TTF2: variants seen among roughly 807,000 people sequenced by gnomAD.
The protein encoded by TTF2 is RNA polymerase II termination factor.
Under a neutral mutation model 142.4 loss-of-function variants are expected in TTF2, and 108 were observed. The observed-to-expected ratio is 0.76, with a 90% CI of 0.65 to 0.89. TTF2 has a LOEUF of 0.89. Ranked by LOEUF, TTF2 falls within the 40% of genes least tolerant of loss-of-function variation. The pLI, the probability that TTF2 is intolerant of heterozygous loss-of-function variation, is 0.00. For missense variants in TTF2, 1,327 were observed against 1,379.8 expected (o/e 0.96, Z 0.61); for synonymous variants, 483 against 506.2 (o/e 0.95, Z 0.61).
rs140819008 is a variant in TTF2, at chr1:117,060,360, G to C, written c.14G>C (p.Arg5Thr). 1 of 1,601,760 alleles carries C rather than the reference G, an allele frequency of 6.2e-7. No homozygotes were observed. Residue 5 changes from arginine to threonine, a missense_variant, in exon 1 of 23, where the codon AGG becomes ACG. Transcript: ENST00000369466. Reference protein sequence around the residue: MEEVRCPEHGTFCFL... With the variant: MEEVTCPEHGTFCFL... ...GGACCCAGCGAAATGGAAGAAGTTAGGTGTCCAGAGCACGGTAAGGGGCTA... is the reference window on the plus strand; with the variant it reads ...GGACCCAGCGAAATGGAAGAAGTTACGTGTCCAGAGCACGGTAAGGGGCTA...
chr1:117,084,483 G>T (rs1647836217), intron 11 of TTF2, among the ~76,000 whole-genome samples: 1 of 152,196 alleles, frequency 6.6e-6, no homozygotes, highest in South Asian at 2.1e-4. Flanking sequence ...CATGGCTGCT[G>T]GAGTTCTGAT....
chr1:117,061,249 A>G (rs3767775), intron 2 of TTF2, among the ~76,000 whole-genome samples: 13,892 of 152,146 alleles, frequency 0.091, 842 homozygotes, highest in African/African-American at 0.16. Context: ...AAAATTGTCT[A>G]GGCATGGTAT....
In TTF2 at chr1:117,101,406, A is replaced by G. The variant is rs748140328; in HGVS notation, c.3371A>G (p.Glu1124Gly). 1.9e-6 allele frequency: 3 copies of G among 1,600,862 alleles called. No individual in the cohort carries two copies. The highest frequency in any genetic ancestry group is 2.5e-6 in the Non-Finnish European group (3 of 1,177,008). Residue 1124 changes from glutamate (E) to glycine (G), a missense_variant, in exon 23 of 23, where the codon GAA becomes GGA. Coordinates refer to ENST00000369466, the MANE Select transcript of TTF2 (RefSeq NM_003594.4). The surrounding 1 kb of genome is among the most constrained non-coding windows in gnomAD (Gnocchi z 5.9). The part of the protein sequence containing the change: ...HRFVCEGTVE[E>G]KILQLQEKKK... ...TTTGTTTGTGAGGGAACAGTAGAAG[A>G]AAAGATCTTACAGCTCCAAGAAAAA...
Position 117,098,855 on chromosome 1 carries a change from G to C in TTF2, c.3292G>C (p.Ala1098Pro). Reference protein sequence around the residue: ...MHWNPSLEDQACDRIYRVGQQ... With the variant: ...MHWNPSLEDQPCDRIYRVGQQ... ...CAGGAATCCATCACTTGAAGATCAA[G>C]CTTGTGACCGAATTTACCGAGTAGG... Residue 1098 changes from alanine (A) to proline (P), a missense_variant, in exon 22 of 23, where the codon GCT becomes CCT. Ala to Pro is a conservative substitution (Grantham distance 27, BLOSUM62 -1). Coordinates refer to ENST00000369466, the MANE Select transcript of TTF2 (RefSeq NM_003594.4). 6.2e-7 allele frequency: 1 copy of C among 1,612,050 alleles called. No individual in the cohort carries two copies. Among genetic ancestry groups the C allele is most frequent in the Non-Finnish European group, 8.5e-7 (1 of 1,179,454 alleles).
In TTF2 at chr1:117,060,464, G is replaced by C; in HGVS notation, c.38G>C (p.Cys13Ser). ...TTTCTTCTCTCTTCAGGGACTTTCT[G>C]CTTTCTTAAGACCGGCGTCCGCGAT... ...EVRCPEHGTFCFLKTGVRDGP... is the reference protein window; with the variant it reads ...EVRCPEHGTFSFLKTGVRDGP... The change falls in exon 2 of 23, where the codon TGC becomes TCC. Residue 13 changes from cysteine (C) to serine (S), a missense_variant. Physicochemically the swap from Cys to Ser is moderately radical, Grantham distance 112 (BLOSUM62 -1). Coordinates refer to ENST00000369466, the MANE Select transcript of TTF2 (RefSeq NM_003594.4). 6.2e-7 allele frequency: 1 copy of C among 1,613,838 alleles called. No individual in the cohort carries two copies. Among genetic ancestry groups the C allele is most frequent in the East Asian group, 2.2e-5 (1 of 44,886 alleles).
In TTF2 at chr1:117,090,566, A is replaced by G. The variant is rs553687307; in HGVS notation, c.2531A>G (p.His844Arg). The G allele has an allele frequency of 1.2e-6, 2 of 1,613,968 alleles. No individual in the cohort carries two copies. Among genetic ancestry groups the G allele is most frequent in the South Asian group, 1.1e-5 (1 of 91,056 alleles). Reference protein sequence around the residue: ...ILPQRKFQLHHLKLSEDEETV... With the variant: ...ILPQRKFQLHRLKLSEDEETV... Reference sequence around the variant, plus strand: ...CCCCAGCGTAAATTTCAGTTGCACCATTTAAAGCTTTCTGAAGATGAAGAG... The same window carrying G: ...CCCCAGCGTAAATTTCAGTTGCACCGTTTAAAGCTTTCTGAAGATGAAGAG... The change falls in exon 15 of 23, where the codon CAT becomes CGT. Residue 844 changes from histidine (H) to arginine (R), a missense_variant. Physicochemically the swap from His to Arg is conservative, Grantham distance 29 (BLOSUM62 0). Coordinates refer to ENST00000369466, the MANE Select transcript of TTF2 (RefSeq NM_003594.4). The surrounding 1 kb of genome is among the most constrained non-coding windows in gnomAD (Gnocchi z 4.8).
At chr1:117,082,348 G>A (rs964692117) in intron 10 of TTF2, among the ~76,000 whole-genome samples, 3 of 152,038 alleles carry the variant, frequency 2.0e-5, no homozygotes, top group Admixed American at 6.6e-5. Flanking sequence ...AAGTAGCTGG[G>A]ACCACAAGTT....
At position 117,063,525 on chromosome 1, in the gene TTF2, T is replaced by A. The variant is rs1002504497; in HGVS notation, c.218+1052T>A. Among the ~76,000 whole-genome samples the A allele has an allele frequency of 3.9e-5, 6 of 152,238 alleles. No homozygotes were observed. The highest frequency in any genetic ancestry group is 2.0e-4 in the Admixed American group (3 of 15,278). ...GTACTCTTCTGTGTCTGACTTCTTT[T>A]ACTTAACAGTATGTGAAATGTATAT... On this transcript the variant is annotated intron_variant, in intron 3 of 22. Transcript: ENST00000369466. This position sits in a 1 kb window ranked among gnomAD's most constrained non-coding sequence, Gnocchi z 4.1.
In TTF2 at chr1:117,079,903, T is replaced by C. The variant is rs1338248237; in HGVS notation, c.1783+254T>C. ...ATTAAAGAGAGGAGGAGTTTATTTT[T>C]TGGTGGCTCCCACAATCTCTAGGAG... On this transcript the variant is annotated intron_variant, in intron 9 of 22. Coordinates refer to ENST00000369466, the MANE Select transcript of TTF2 (RefSeq NM_003594.4). This position sits in a 1 kb window ranked among gnomAD's most constrained non-coding sequence, Gnocchi z 4.2. Among the ~76,000 whole-genome samples the C allele has an allele frequency of 6.6e-6, 1 of 152,174 alleles. No homozygotes were observed. Among genetic ancestry groups the C allele is most frequent in the Non-Finnish European group, 1.5e-5 (1 of 68,040 alleles).
Position 117,075,274 on chromosome 1 carries a change from A to G in TTF2, c.690A>G (p.Thr230=), listed in dbSNP as rs763190897. The part of the protein sequence containing the change: ...KSQQCQGNEL[T]RPSASSQEKS... ...AACAGTGCCAAGGTAATGAGCTTAC[A>G]AGACCATCTGCATCTTCTCAGGAGA... Residue 230 remains threonine (T), a synonymous_variant, in exon 5 of 23, where the codon ACA becomes ACG. Coordinates refer to ENST00000369466, the MANE Select transcript of TTF2 (RefSeq NM_003594.4). This position sits in a 1 kb window ranked among gnomAD's most constrained non-coding sequence, Gnocchi z 4.5. The G allele has an allele frequency of 3.2e-5, 52 of 1,614,148 alleles. No individual in the cohort carries two copies. Among genetic ancestry groups the G allele is most frequent in the Middle Eastern group, 1.6e-4 (1 of 6,084 alleles).
In TTF2 at chr1:117,064,144, T is replaced by C. The variant is rs149905258; in HGVS notation, c.218+1671T>C. On this transcript the variant is annotated intron_variant, in intron 3 of 22. Coordinates refer to ENST00000369466, the MANE Select transcript of TTF2 (RefSeq NM_003594.4). The stretch of plus-strand genomic sequence containing the variant: ...CTTTGCCTGTTTTAAAATTTTTGTC[T>C]TTTTTTAAAACTGAGTTGGTAGAGT... 3.3e-3 allele frequency among the ~76,000 whole-genome samples: 498 copies of C among 152,266 alleles called. 2 individuals carry two copies. Among genetic ancestry groups the C allele is most frequent in the African/African-American group, 0.011 (476 of 41,542 alleles).
chr1:117,062,401 A>G lies in TTF2; in HGVS notation c.146A>G (p.His49Arg), dbSNP rs1655751265. ...CTTTTCTCTAGCATTCCTGTTTCCC[A>G]TTGCTTATTGCATGAGGACTTTGTG... The part of the protein sequence containing the change: ...FVRATDIPVS[H>R]CLLHEDFVVE... The change falls in exon 3 of 23, where the codon CAT becomes CGT. Residue 49 changes from histidine (H) to arginine (R), a missense_variant. By Grantham distance (29) the His-to-Arg change is conservative (BLOSUM62 0). Transcript: ENST00000369466. 3 of 1,613,148 alleles carry G rather than the reference A, an allele frequency of 1.9e-6. No homozygotes were observed. Among genetic ancestry groups the G allele is most frequent in the Non-Finnish European group, 2.5e-6 (3 of 1,179,744 alleles).
At chr1:117,062,271 C>A in intron 2 of TTF2, 116 bp from the exon 3 acceptor site, 2 of 867,560 alleles carry the variant, frequency 2.3e-6, no homozygotes, top group Non-Finnish European at 1.8e-6. Flanking sequence ...AATTACAAAC[C>A]CAGTAGAGGT....
intron 3 of TTF2, among the ~76,000 whole-genome samples, chr1:117,071,598 T>C (rs1171894329): frequency 6.6e-6 from 1 of 151,574 alleles, no homozygotes; most frequent in Non-Finnish European, 1.5e-5. Flanking sequence ...TTAATACTTA[T>C]TGATTGAATA....
Position 117,076,246 on chromosome 1 carries a change from C to G in TTF2, c.1342C>G (p.Gln448Glu). Residue 448 changes from glutamine (Q) to glutamate (E), a missense_variant, in exon 6 of 23, where the codon CAG becomes GAG. By Grantham distance (29) the Gln-to-Glu change is conservative. Transcript: ENST00000369466. This position sits in a 1 kb window ranked among gnomAD's most constrained non-coding sequence, Gnocchi z 4.6. ...DKGQKLIKQI[Q>E]ELEEVLSGLT... ...GGGTCAGAAGTTGATCAAACAAATC[C>G]AGGAGCTGGAGGAAGTACTCAGTGG... 6.2e-7 allele frequency: 1 copy of G among 1,613,920 alleles called. No individual in the cohort carries two copies. The highest frequency in any genetic ancestry group is 2.2e-5 in the East Asian group (1 of 44,872).
chr1:117,085,085 A>C lies in TTF2; in HGVS notation c.2054+917A>C, dbSNP rs1356458254. Among the ~76,000 whole-genome samples, 2 of 152,204 alleles carry C rather than the reference A, an allele frequency of 1.3e-5. No individual in the cohort carries two copies. The highest frequency in any genetic ancestry group is 4.8e-5 in the African/African-American group (2 of 41,446). On this transcript the variant is annotated intron_variant, in intron 11 of 22. Transcript: ENST00000369466. The surrounding 1 kb of genome is among the most constrained non-coding windows in gnomAD (Gnocchi z 4.7). ...TTGTGCTAAATTTTTATTTAGAAAT[A>C]AATTGAATCTCACTTGATTTGTACT...
chr1:117,101,764 A>AT lies in TTF2; in HGVS notation c.*247dup, dbSNP rs1356317081. 5.6e-6 allele frequency: 2 copies of AT among 359,344 alleles called. No homozygotes were observed. The highest frequency in any genetic ancestry group is 2.1e-5 in the African/African-American group (1 of 47,726). 22.3% of individuals were successfully genotyped at this position (359,344 alleles called of 1,614,324 possible). A position where few individuals can be genotyped will look rare whatever the true frequency, so the allele number is the denominator to read the frequency against. The stretch of plus-strand genomic sequence containing the variant: ...TAATGAGTGGTATGGAAACCAATTG[A>AT]TTTTTTTAGATAAAAGAATATGTTT... On this transcript the variant is annotated 3_prime_UTR_variant, in exon 23 of 23. Transcript: ENST00000369466. This position sits in a 1 kb window ranked among gnomAD's most constrained non-coding sequence, Gnocchi z 5.9.
In TTF2 at chr1:117,097,387, C is replaced by T; in HGVS notation, c.3223C>T (p.Leu1075=). 1 of 1,614,102 alleles carries T rather than the reference C, an allele frequency of 6.2e-7. No homozygotes were observed. The highest frequency in any genetic ancestry group is 8.5e-7 in the Non-Finnish European group (1 of 1,180,028). ...LISLLAGGVG[L]NLTGGNHLFL... ...CTCTCTCTTGGCCGGAGGTGTTGGT[C>T]TAAACCTGACTGGAGGAAATCACCT... is the stretch of plus-strand genomic sequence containing the variant. Residue 1075 remains leucine, a synonymous_variant, in exon 21 of 23, where the codon CTA becomes TTA. Transcript: ENST00000369466. This position sits in a 1 kb window ranked among gnomAD's most constrained non-coding sequence, Gnocchi z 4.1.
rs772189649 is a variant in TTF2 at position 117,093,837 on chromosome 1, A to G, written c.2976+936A>G. On this transcript the variant is annotated intron_variant, in intron 18 of 22. Transcript: ENST00000369466. The surrounding 1 kb of genome is among the most constrained non-coding windows in gnomAD (Gnocchi z 4.5). ...ATATTTATTCACAAGTTTTCTTAACATATGTCCATTAATAGTTCAAACCAC... is the reference window on the plus strand; with the variant it reads ...ATATTTATTCACAAGTTTTCTTAACGTATGTCCATTAATAGTTCAAACCAC... Among the ~76,000 whole-genome samples the G allele has an allele frequency of 1.3e-4, 20 of 152,222 alleles. No individual in the cohort carries two copies. Among genetic ancestry groups the G allele is most frequent in the Non-Finnish European group, 2.8e-4 (19 of 68,036 alleles).
Sources: gnomAD v4.1 joint callset for allele counts (sites outside exome capture counted in the v4.1 genomes callset) on GRCh38, gnomAD v4.1.1 for gene constraint, Gnocchi (gnomAD v3.1) non-coding constraint, MANE v1.5 for transcripts, NCBI Gene and HGNC (gene_info 2026-07-23, HGNC 2026-07-21) for gene names.